The following CFDP1 variants were observed in gnomAD, a reference collection of about 807,000 sequenced individuals.
The protein encoded by CFDP1 is heterochromatin-stabilizing protein CFDP1.
A neutral mutation model predicts 40.1 loss-of-function variants in CFDP1; 31 were observed. The ratio of observed to expected loss-of-function variants is 0.77; its 90% CI spans 0.58 to 1.04. The LOEUF (loss-of-function observed/expected upper bound fraction) is 1.04. CFDP1 is among the 50% of genes least tolerant of loss of function. The pLI, the probability that CFDP1 is intolerant of heterozygous loss-of-function variation, is 0.00. For missense variants in CFDP1, 423 were observed against 343.4 expected (o/e 1.23, Z -1.83); for synonymous variants, 167 against 120.0 (o/e 1.39, Z -2.56).
intron 5 of CFDP1, among the ~76,000 whole-genome samples, chr16:75,380,691 T>TG (rs1411806169): frequency 1.3e-5 from 2 of 152,184 alleles, no homozygotes; most frequent in African/African-American, 4.8e-5. Flanking sequence ...CACATAGATT[T>TG]GGGCTTCAAA....
intron 4 of CFDP1, among the ~76,000 whole-genome samples, chr16:75,407,434 T>C (rs2079110351): frequency 6.6e-6 from 1 of 152,126 alleles, no homozygotes; most frequent in African/African-American, 2.4e-5. Flanking sequence ...CCCAGCACTT[T>C]GGTGGGCCAA....
At chr16:75,405,391 G>A (rs576947744) in intron 4 of CFDP1, among the ~76,000 whole-genome samples, 1 of 152,192 alleles carries the variant, frequency 6.6e-6, no homozygotes, top group Admixed American at 6.5e-5. Flanking sequence ...ACTTTGGGAG[G>A]CCAAGCAGGC....
At chr16:75,393,887 G>A (rs915146537) in intron 5 of CFDP1, among the ~76,000 whole-genome samples, 10 of 151,412 alleles carry the variant, frequency 6.6e-5, no homozygotes, top group African/African-American at 1.7e-4. Context: ...GTGAAACCTC[G>A]TCTCTACTAA....
intron 5 of CFDP1, among the ~76,000 whole-genome samples, chr16:75,354,267 A>G (rs534355611): frequency 6.6e-6 from 1 of 152,328 alleles, no homozygotes; most frequent in Admixed American, 6.5e-5. Flanking sequence ...CAATGCATTT[A>G]TTGGGACATA....
At chr16:75,384,698 G>A (rs890573276) in intron 5 of CFDP1, among the ~76,000 whole-genome samples, 1 of 151,656 alleles carries the variant, frequency 6.6e-6, no homozygotes, top group East Asian at 1.9e-4. Context: ...AACTGTAAAT[G>A]TTCATCAATA....
intron 5 of CFDP1, among the ~76,000 whole-genome samples, chr16:75,307,129 T>C (rs912673940): frequency 6.6e-6 from 1 of 152,214 alleles, no homozygotes; most frequent in African/African-American, 2.4e-5. Flanking sequence ...TCTAGTGACA[T>C]GCTGTAATTA....
At chr16:75,395,426 C>T (rs111981839) in intron 4 of CFDP1, among the ~76,000 whole-genome samples, 3 of 151,984 alleles carry the variant, frequency 2.0e-5, no homozygotes, top group East Asian at 1.9e-4. Context: ...TTTGGGAGGC[C>T]GAGGCAGGCG....
chr16:75,368,895 G>A (rs2078734122), intron 5 of CFDP1, among the ~76,000 whole-genome samples: 2 of 151,918 alleles, frequency 1.3e-5, no homozygotes, highest in African/African-American at 4.8e-5. Flanking sequence ...TTTTTTTAAG[G>A]AGTCTGATAC....
At chr16:75,318,414 T>G (rs1237032973) in intron 5 of CFDP1, among the ~76,000 whole-genome samples, 2 of 150,698 alleles carry the variant, frequency 1.3e-5, no homozygotes, top group Non-Finnish European at 3.0e-5. Flanking sequence ...CTTTCTTTTT[T>G]TTTTTTTTTG....
At chr16:75,371,529 G>C (rs773014109) in intron 5 of CFDP1, among the ~76,000 whole-genome samples, 34 of 152,154 alleles carry the variant, frequency 2.2e-4, no homozygotes, top group Non-Finnish European at 4.1e-4. Context: ...AAGCGTTTTG[G>C]TTAAGCTTCC....
chr16:75,424,330 G>A (rs900572969), intron 1 of CFDP1, among the ~76,000 whole-genome samples: 4 of 152,214 alleles, frequency 2.6e-5, no homozygotes, highest in African/African-American at 9.6e-5. Context: ...TTAGGTGACT[G>A]AGTTGGTAAT....
At chr16:75,428,842 C>T (rs2079374295) in intron 1 of CFDP1, among the ~76,000 whole-genome samples, 2 of 151,936 alleles carry the variant, frequency 1.3e-5, no homozygotes, top group South Asian at 2.1e-4. Context: ...ACAGGCCAGG[C>T]GTAGAGGCTC....
intron 5 of CFDP1, among the ~76,000 whole-genome samples, chr16:75,309,534 A>C (rs2078279745): frequency 5.9e-5 from 9 of 152,024 alleles, no homozygotes; most frequent in Admixed American, 5.9e-4. Flanking sequence ...ATCAAGAACC[A>C]ATCCAACCGG....
chr16:75,384,778 G>T (rs1022569401), intron 5 of CFDP1, among the ~76,000 whole-genome samples: 2 of 149,102 alleles, frequency 1.3e-5, no homozygotes, highest in Non-Finnish European at 3.0e-5. Flanking sequence ...AAATACAGAT[G>T]TTTATATTGA....
At chr16:75,337,006 G>C (rs1225339605) in intron 5 of CFDP1, among the ~76,000 whole-genome samples, 1 of 152,190 alleles carries the variant, frequency 6.6e-6, no homozygotes, top group African/African-American at 2.4e-5. Flanking sequence ...GTTTGGCTCT[G>C]AGTTGCAAAT....
chr16:75,414,588 T>C lies in CFDP1; in HGVS notation c.172A>G (p.Ile58Val), dbSNP rs747397164. The C allele has an allele frequency of 3.1e-6, 5 of 1,611,204 alleles. No homozygotes were observed. Among genetic ancestry groups the C allele is most frequent in the Middle Eastern group, 1.7e-4 (1 of 6,052 alleles). The change falls in exon 2 of 7, where the codon ATT becomes GTT. Residue 58 changes from isoleucine (I) to valine (V), a missense_variant. Coordinates refer to ENST00000283882, the MANE Select transcript of CFDP1 (RefSeq NM_006324.3). The stretch of plus-strand genomic sequence containing the variant: ...TGAAGGCAGCATCACCTGGCTGGAA[T>C]GCTCTGGGCCTTTCTTTTTTTCCCT... ...TQGKKRKAQS[I>V]PARKRRQGGL...
At chr16:75,361,013 CT>C (rs2151531670) in intron 5 of CFDP1, among the ~76,000 whole-genome samples, 1 of 152,184 alleles carries the variant, frequency 6.6e-6, no homozygotes, top group African/African-American at 2.4e-5. Flanking sequence ...CACCAATTTT[CT>C]TTTCTTTTTT....
intron 1 of CFDP1, among the ~76,000 whole-genome samples, chr16:75,419,707 G>C (rs1270504722): frequency 6.6e-6 from 1 of 152,106 alleles, no homozygotes; most frequent in African/African-American, 2.4e-5. Flanking sequence ...CTGCCGTAAA[G>C]AAGCTGGCTA....
chr16:75,305,204 G>A, intron 5 of CFDP1, 22 bp from the exon 6 acceptor site: 1 of 1,610,984 alleles, frequency 6.2e-7, no homozygotes, highest in Non-Finnish European at 8.5e-7. Flanking sequence ...AAATATGAAA[G>A]ATGTAGCAGG....
Sources: allele counts gnomAD v4.1 joint callset (sites outside exome capture counted in the v4.1 genomes callset), GRCh38; gene constraint gnomAD v4.1.1; transcripts MANE v1.5; gene names NCBI Gene and HGNC (gene_info 2026-07-23, HGNC 2026-07-21).